The following AKAP19 variants were observed in gnomAD, a reference collection of about 807,000 sequenced individuals.
The protein encoded by AKAP19 is small A-kinase anchoring protein.
At chr2:190,163,448 C>CA in the AKAP19 span, among the ~76,000 whole-genome samples, 1,971 of 126,970 alleles carry the variant, frequency 0.016, 20 homozygotes, top group African/African-American at 0.054. Flanking sequence ...AAACAAAAAA[C>CA]AAAAAACAAA....
chr2:189,960,176 A>G, the AKAP19 span, among the ~76,000 whole-genome samples: 44 of 152,202 alleles, frequency 2.9e-4, 1 homozygote, highest in Non-Finnish European at 5.3e-4. Context: ...ACCGGCTGTT[A>G]GGTTGTTAGC....
chr2:190,032,085 A>G, the AKAP19 span, among the ~76,000 whole-genome samples: 4 of 152,282 alleles, frequency 2.6e-5, no homozygotes, highest in South Asian at 4.2e-4. Flanking sequence ...TGATTCAAAT[A>G]TTCTCTTTTT....
the AKAP19 span, among the ~76,000 whole-genome samples, chr2:189,890,231 T>G: frequency 6.6e-6 from 1 of 152,236 alleles, no homozygotes; most frequent in Non-Finnish European, 1.5e-5. Flanking sequence ...AGTTGTGTGG[T>G]TTCAAGTGAG....
chr2:190,027,417 T>G, the AKAP19 span, among the ~76,000 whole-genome samples: 20 of 152,226 alleles, frequency 1.3e-4, no homozygotes, highest in Non-Finnish European at 1.9e-4. Context: ...TATGGCCTAT[T>G]AGTAGACTTT....
At chr2:190,080,228 G>A in the AKAP19 span, among the ~76,000 whole-genome samples, 5 of 152,096 alleles carry the variant, frequency 3.3e-5, no homozygotes, top group Admixed American at 6.6e-5. Context: ...TAGCAAAATC[G>A]CAAGACTGTT....
the AKAP19 span, among the ~76,000 whole-genome samples, chr2:190,067,146 A>G: frequency 6.6e-6 from 1 of 152,180 alleles, no homozygotes; most frequent in Non-Finnish European, 1.5e-5. Context: ...ACAAATTGTC[A>G]TGTGCAGGCA....
At chr2:190,119,412 G>T in the AKAP19 span, among the ~76,000 whole-genome samples, 1 of 152,138 alleles carries the variant, frequency 6.6e-6, no homozygotes, top group African/African-American at 2.4e-5. Context: ...CATTCACGTA[G>T]CCCCCAGAAA....
chr2:190,032,376 C>T, the AKAP19 span, among the ~76,000 whole-genome samples: 2 of 152,098 alleles, frequency 1.3e-5, no homozygotes, highest in East Asian at 3.8e-4. Context: ...TATCCTGGGT[C>T]AGTAGTGACT....
the AKAP19 span, among the ~76,000 whole-genome samples, chr2:190,165,027 G>A: frequency 6.6e-6 from 1 of 152,170 alleles, no homozygotes; most frequent in Non-Finnish European, 1.5e-5. Context: ...CAAAGTGGTT[G>A]TCTCAAGTTT....
chr2:190,106,806 T>C, the AKAP19 span, among the ~76,000 whole-genome samples: 4 of 152,220 alleles, frequency 2.6e-5, no homozygotes, highest in Admixed American at 2.6e-4. Context: ...ACTACTTCAC[T>C]ATAATGTGTT....
At chr2:190,051,948 C>T in the AKAP19 span, among the ~76,000 whole-genome samples, 2,820 of 152,086 alleles carry the variant, frequency 0.019, 97 homozygotes, top group African/African-American at 0.065. Flanking sequence ...CGCCATTCTC[C>T]TGCCTCAGCC....
At chr2:190,049,575 A>C in the AKAP19 span, among the ~76,000 whole-genome samples, 4 of 152,322 alleles carry the variant, frequency 2.6e-5, no homozygotes, top group East Asian at 7.7e-4. Context: ...TTGTCATGTA[A>C]ACTGCAGTAG....
the AKAP19 span, among the ~76,000 whole-genome samples, chr2:189,970,389 A>ACTTTT: frequency 6.6e-6 from 1 of 152,240 alleles, no homozygotes; most frequent in Non-Finnish European, 1.5e-5. Context: ...GATATTTATC[A>ACTTTT]TTCCCATATT....
the AKAP19 span, among the ~76,000 whole-genome samples, chr2:189,927,338 G>C: frequency 6.6e-6 from 1 of 152,208 alleles, no homozygotes; most frequent in Non-Finnish European, 1.5e-5. Context: ...AGAGTGAATA[G>C]TTTATAGAGT....
At chr2:190,108,070 A>G in the AKAP19 span, among the ~76,000 whole-genome samples, 1 of 152,244 alleles carries the variant, frequency 6.6e-6, no homozygotes, top group South Asian at 2.1e-4. Context: ...AATTTTACAT[A>G]AGGAAACTCA....
At chr2:190,113,736 C>G in the AKAP19 span, among the ~76,000 whole-genome samples, 3 of 152,106 alleles carry the variant, frequency 2.0e-5, no homozygotes, top group Non-Finnish European at 4.4e-5. Flanking sequence ...CTCAGAAGTC[C>G]CTCCCTGGTG....
At chr2:190,181,060 A>T in the AKAP19 span, 1 of 985,556 alleles carries the variant, frequency 1.0e-6, no homozygotes, top group Non-Finnish European at 1.2e-6. Flanking sequence ...CCGGGACCCC[A>T]CGGCTGTCCG....
At chr2:189,933,410 C>T in the AKAP19 span, among the ~76,000 whole-genome samples, 17 of 152,226 alleles carry the variant, frequency 1.1e-4, 2 homozygotes, top group South Asian at 2.7e-3. Context: ...GAAGGGCCCA[C>T]CTTCCCATTT....
the AKAP19 span, among the ~76,000 whole-genome samples, chr2:190,029,454 GA>G: frequency 6.6e-6 from 1 of 152,036 alleles, no homozygotes; most frequent in South Asian, 2.1e-4. Flanking sequence ...TTTATATAAA[GA>G]AATACCACAC....
Sources: allele counts gnomAD v4.1 joint callset (sites outside exome capture counted in the v4.1 genomes callset), GRCh38; gene constraint gnomAD v4.1.1; transcripts MANE v1.5; gene names NCBI Gene and HGNC (gene_info 2026-07-23, HGNC 2026-07-21).